The following DNAAF11 variants were observed in gnomAD, a reference collection of about 807,000 sequenced individuals.
DNAAF11 encodes leucine rich repeat containing 6.
A neutral mutation model predicts 60.8 loss-of-function variants in DNAAF11; 45 were observed. The observed-to-expected ratio is 0.74, with a 90% CI of 0.58 to 0.95. The LOEUF is 0.95. Ranked by LOEUF, DNAAF11 falls within the 40% of genes least tolerant of loss-of-function variation. DNAAF11 has a pLI of 0.00. For missense variants in DNAAF11, 546 were observed against 546.2 expected, an observed-to-expected ratio of 1.00 and a Z score of 0.00; for synonymous variants, 191 against 183.5, an observed-to-expected ratio of 1.04 and a Z score of -0.33.
chr8:132,689,801 A>C, the DNAAF11 span, among the ~76,000 whole-genome samples: 1 of 152,036 alleles, frequency 6.6e-6, no homozygotes, highest in Non-Finnish European at 1.5e-5. Context: ...ATGGTTCACT[A>C]TAGCCTTATT....
intron 9 of DNAAF11, among the ~76,000 whole-genome samples, chr8:132,610,859 C>T (rs528763353): frequency 6.6e-6 from 1 of 152,116 alleles, no homozygotes; most frequent in East Asian, 1.9e-4. Flanking sequence ...GTTTCATTTC[C>T]CTTTTTCTAT....
upstream of DNAAF11, among the ~76,000 whole-genome samples, chr8:132,676,832 G>C (rs957205483): frequency 6.6e-6 from 1 of 152,180 alleles, no homozygotes; most frequent in South Asian, 2.1e-4. Context: ...AACTGAACTG[G>C]AAGAGTGGGA....
chr8:132,599,917 A>C (rs940729820), intron 10 of DNAAF11, among the ~76,000 whole-genome samples: 1 of 152,198 alleles, frequency 6.6e-6, no homozygotes, highest in African/African-American at 2.4e-5. Flanking sequence ...TGGAAGTTCT[A>C]GCCAGGACAA....
intron 10 of DNAAF11, 100 bp from the exon 11 acceptor site, chr8:132,583,879 AT>A: frequency 1.2e-6 from 1 of 810,090 alleles, no homozygotes; most frequent in Non-Finnish European, 2.0e-6. Context: ...AAACATTTTA[AT>A]TTTTTCTCTA....
intron 1 of DNAAF11, among the ~76,000 whole-genome samples, chr8:132,674,121 G>C (rs994490034): frequency 1.0e-4 from 10 of 99,646 alleles, no homozygotes; most frequent in Admixed American, 1.8e-4. Context: ...GCAGGAGGAG[G>C]AGGAGGAGGA....
upstream of DNAAF11, among the ~76,000 whole-genome samples, chr8:132,678,522 T>G (rs1825820468): frequency 6.6e-6 from 1 of 152,128 alleles, no homozygotes. Flanking sequence ...TGGGACTATG[T>G]GTGTGCACCA....
chr8:132,697,964 G>A, the DNAAF11 span, among the ~76,000 whole-genome samples: 28 of 152,276 alleles, frequency 1.8e-4, no homozygotes, highest in African/African-American at 6.5e-4. Context: ...TTAATAAAAT[G>A]TATGTATTTA....
At chr8:132,655,231 A>G (rs1823425744) in intron 3 of DNAAF11, among the ~76,000 whole-genome samples, 1 of 152,074 alleles carries the variant, frequency 6.6e-6, no homozygotes. Context: ...ATCTGAATAG[A>G]CCTATAATAA....
At chr8:132,615,890 G>C (rs1002919881) in intron 7 of DNAAF11, among the ~76,000 whole-genome samples, 8 of 152,104 alleles carry the variant, frequency 5.3e-5, no homozygotes, top group Non-Finnish European at 1.0e-4. Flanking sequence ...AAGCTAAACT[G>C]TTTAGGAAAA....
chr8:132,593,359 A>ATATATATATATATATATG (rs1427637816), intron 10 of DNAAF11, among the ~76,000 whole-genome samples: 1 of 145,044 alleles, frequency 6.9e-6, no homozygotes, highest in Non-Finnish European at 1.5e-5. Context: ...ATATATATAT[A>ATATATATATATATATATG]TATTTATATG....
At chr8:132,645,934 CT>C (rs1433401395) in intron 3 of DNAAF11, among the ~76,000 whole-genome samples, 1 of 152,190 alleles carries the variant, frequency 6.6e-6, no homozygotes, top group Non-Finnish European at 1.5e-5. Flanking sequence ...TCCAGGAGAA[CT>C]TCCCCAACCT....
the DNAAF11 span, among the ~76,000 whole-genome samples, chr8:132,697,523 A>G: frequency 2.0e-5 from 3 of 151,878 alleles, no homozygotes; most frequent in Non-Finnish European, 2.9e-5. Context: ...GAGGCTGAGG[A>G]AGGAGAATCA....
At chr8:132,683,383 G>T in the DNAAF11 span, among the ~76,000 whole-genome samples, 1 of 152,108 alleles carries the variant, frequency 6.6e-6, no homozygotes, top group South Asian at 2.1e-4. Context: ...ACTCCCTTTG[G>T]CCCCCTCTGA....
the DNAAF11 span, among the ~76,000 whole-genome samples, chr8:132,695,320 C>T: frequency 6.7e-4 from 102 of 152,234 alleles, no homozygotes; most frequent in African/African-American, 2.2e-3. Context: ...AACACGCTGG[C>T]ATGCTGCTGC....
chr8:132,682,389 A>G, the DNAAF11 span, among the ~76,000 whole-genome samples: 1 of 152,000 alleles, frequency 6.6e-6, no homozygotes, highest in Non-Finnish European at 1.5e-5. Context: ...GCTGTCTTGG[A>G]CTCTCTGAAC....
chr8:132,608,740 A>G (rs919802923), intron 10 of DNAAF11, among the ~76,000 whole-genome samples: 6 of 152,210 alleles, frequency 3.9e-5, no homozygotes, highest in Non-Finnish European at 7.3e-5. Flanking sequence ...AGATTTCCCT[A>G]TAGAATATTC....
intron 11 of DNAAF11, among the ~76,000 whole-genome samples, chr8:132,583,472 A>T (rs1563971990): frequency 1.3e-5 from 2 of 152,180 alleles, no homozygotes. Context: ...TCGTTATATT[A>T]TGACGAGACA....
chr8:132,691,700 C>G, the DNAAF11 span, among the ~76,000 whole-genome samples: 1 of 152,090 alleles, frequency 6.6e-6, no homozygotes, highest in East Asian at 1.9e-4. Flanking sequence ...ACCATCAGAT[C>G]TGGTGAGAAT....
intron 1 of DNAAF11, among the ~76,000 whole-genome samples, chr8:132,668,459 T>C (rs972186510): frequency 5.3e-5 from 8 of 152,082 alleles, no homozygotes; most frequent in East Asian, 1.9e-4. Flanking sequence ...GAATCTTTTT[T>C]TTTTTCTTTG....
Sources: allele counts gnomAD v4.1 joint callset (sites outside exome capture counted in the v4.1 genomes callset), GRCh38; gene constraint gnomAD v4.1.1; transcripts MANE v1.5; gene names NCBI Gene and HGNC (gene_info 2026-07-23, HGNC 2026-07-21).